TUT4: variants seen among roughly 807,000 people sequenced by gnomAD.
The protein encoded by TUT4 is terminal uridylyltransferase 4.
A neutral mutation model predicts 192.2 loss-of-function variants in TUT4; 36 were observed. The observed-to-expected ratio is 0.19, with a 90% CI of 0.14 to 0.25. The LOEUF (loss-of-function observed/expected upper bound fraction) is 0.25. Among genes scored for constraint, TUT4 ranks in the 10% least tolerant of loss-of-function variants. TUT4 has a pLI of 1.00. For missense variants in TUT4, 1,493 were observed against 1,957.2 expected (o/e 0.76, Z 4.47); for synonymous variants, 618 against 666.0 (o/e 0.93, Z 1.11).
chr1:52,538,539 C>A, intron 1 of TUT4: 1 of 151,038 alleles, frequency 6.6e-6, no homozygotes, highest in South Asian at 2.1e-4. Context: ...GTCCCAGTCT[C>A]AGGAGGCTGA....
At chr1:52,438,771 G>C (rs981780840) in intron 24 of TUT4, among the ~76,000 whole-genome samples, 9 of 152,124 alleles carry the variant, frequency 5.9e-5, no homozygotes, top group African/African-American at 2.2e-4. Flanking sequence ...ATTATTCTCT[G>C]TACAAAATTG....
Position 52,488,898 on chromosome 1 carries a change from C to G in TUT4, c.1515+11G>C, listed in dbSNP as rs771271113. 6.3e-7 allele frequency: 1 copy of G among 1,590,036 alleles called. No homozygotes were observed. Among genetic ancestry groups the G allele is most frequent in the South Asian group, 1.2e-5 (1 of 86,092 alleles). ...AAATATAAATAAGTAGTTTTCCTCT[C>G]TTTCACTTACCTTAGCCCAGTAGCG... On this transcript the variant is annotated intron_variant, in intron 9 of 29. Coordinates refer to ENST00000257177, the MANE Select transcript of TUT4 (RefSeq NM_001009881.3).
At chr1:52,500,261 G>A (rs1447733644) in intron 4 of TUT4, among the ~76,000 whole-genome samples, 1 of 152,166 alleles carries the variant, frequency 6.6e-6, no homozygotes, top group African/African-American at 2.4e-5. Flanking sequence ...ATATCTACAT[G>A]TAAAAGAATG....
intron 3 of TUT4, among the ~76,000 whole-genome samples, chr1:52,513,906 G>C (rs1677971820): frequency 6.6e-6 from 1 of 152,116 alleles, no homozygotes; most frequent in Admixed American, 6.6e-5. Context: ...CTAGCGCATA[G>C]GGCTGTTATG....
intron 11 of TUT4, among the ~76,000 whole-genome samples, chr1:52,478,841 A>G (rs1667757878): frequency 6.6e-6 from 1 of 152,192 alleles, no homozygotes; most frequent in African/African-American, 2.4e-5. Flanking sequence ...TTGAGTGCCT[A>G]CTTTGTGCAA....
chr1:52,509,658 T>C lies in TUT4; in HGVS notation c.937A>G (p.Ile313Val). ...TTATGAGCCCCCTGGATATTTTCAATGTGAATTAAGCAAAGTTTGCATAGA... is the reference window on the plus strand; with the variant it reads ...TTATGAGCCCCCTGGATATTTTCAACGTGAATTAAGCAAAGTTTGCATAGA... ...RYLCKLCLIH[I>V]ENIQGAHKHI... is the part of the protein sequence containing the mutation. Residue 313 changes from isoleucine to valine, a missense_variant, in exon 4 of 30, where the codon ATT becomes GTT. This residue lies in a region of TUT4 where 437 missense variants were observed against 577.6 expected (regional missense o/e 0.76). Coordinates refer to ENST00000257177, the MANE Select transcript of TUT4 (RefSeq NM_001009881.3). The C allele has an allele frequency of 1.2e-6, 2 of 1,612,492 alleles. No homozygotes were observed. The highest frequency in any genetic ancestry group is 1.1e-5 in the South Asian group (1 of 90,940).
chr1:52,514,633 G>A (rs1233465379), intron 3 of TUT4: 1 of 152,076 alleles, frequency 6.6e-6, no homozygotes, highest in Non-Finnish European at 1.5e-5. Context: ...GGATTGTCTT[G>A]TTCAATCTAG....
intron 7 of TUT4, among the ~76,000 whole-genome samples, chr1:52,491,732 T>G (rs1671210686): frequency 6.6e-6 from 1 of 151,914 alleles, no homozygotes. Context: ...ACCAGATAGA[T>G]TAACATCACT....
intron 28 of TUT4, among the ~76,000 whole-genome samples, chr1:52,426,791 C>G (rs1650100116): frequency 6.6e-6 from 1 of 152,080 alleles, no homozygotes; most frequent in East Asian, 1.9e-4. Context: ...AAGATATATT[C>G]CAATCCCCTT....
At chr1:52,500,035 T>C (rs1007827052) in intron 4 of TUT4, among the ~76,000 whole-genome samples, 21 of 151,304 alleles carry the variant, frequency 1.4e-4, no homozygotes, top group Admixed American at 5.3e-4. Context: ...GGCAGGAGAA[T>C]TGCTTGAACC....
intron 24 of TUT4, among the ~76,000 whole-genome samples, chr1:52,441,444 A>ATTTTTTTT (rs557710242): frequency 1.6e-4 from 19 of 119,960 alleles, no homozygotes; most frequent in South Asian, 2.6e-4. Flanking sequence ...TCTCGGCTAA[A>ATTTTTTTT]TTTTTTTTTT....
chr1:52,437,070 A>G (rs1654013354), intron 25 of TUT4, 92 bp from the exon 26 acceptor site: 1 of 1,485,654 alleles, frequency 6.7e-7, no homozygotes, highest in Non-Finnish European at 8.9e-7. Flanking sequence ...AAGGACTAAC[A>G]TGCCCATCAT....
chr1:52,553,211 G>C (rs1290572259), upstream of TUT4: 1 of 152,586 alleles, frequency 6.6e-6, no homozygotes, highest in African/African-American at 2.4e-5. Flanking sequence ...GAGAGGGGGA[G>C]GGGAGAGGAC....
intron 3 of TUT4, among the ~76,000 whole-genome samples, chr1:52,510,035 G>C (rs990753107): frequency 6.6e-6 from 1 of 152,134 alleles, no homozygotes; most frequent in African/African-American, 2.4e-5. Flanking sequence ...CAGTCGGGCT[G>C]AGTGTGGTGG....
Position 52,436,912 on chromosome 1 carries a change from T to C in TUT4, c.4005A>G (p.Lys1335=). Residue 1335 remains lysine, a synonymous_variant, in exon 26 of 30, where the codon AAA becomes AAG. Transcript: ENST00000257177. ...EEEKEGNEEE[K]DSRDVLDPRD... ...GGGGGTCAAGAACATCTCGGGAATC[T>C]TTCTCTTCTTCATTCCCTTCCTTCT... 6.2e-7 allele frequency: 1 copy of C among 1,613,040 alleles called. No homozygotes were observed. The highest frequency in any genetic ancestry group is 2.2e-5 in the East Asian group (1 of 44,858).
chr1:52,458,311 C>G lies in TUT4; in HGVS notation c.3435+25G>C, dbSNP rs1318453802. ...GATCTATTGTTTTCAAAAAAAACTC[C>G]TTTATAGTTTTCTTAAACACCTACC... On this transcript the variant is annotated intron_variant, in intron 20 of 29. Coordinates refer to ENST00000257177, the MANE Select transcript of TUT4 (RefSeq NM_001009881.3). 6 of 1,579,422 alleles carry G rather than the reference C, an allele frequency of 3.8e-6. No homozygotes were observed. The Admixed American group carries it at 8.7e-5, about 23-fold the overall frequency.
At chr1:52,484,980 T>C (rs967485799) in intron 9 of TUT4, among the ~76,000 whole-genome samples, 1 of 152,218 alleles carries the variant, frequency 6.6e-6, no homozygotes, top group African/African-American at 2.4e-5. Flanking sequence ...CTCTAGCAGA[T>C]ATTATTATTT....
intron 1 of TUT4, among the ~76,000 whole-genome samples, chr1:52,532,404 T>C (rs957001680): frequency 1.3e-5 from 2 of 151,886 alleles, no homozygotes; most frequent in African/African-American, 4.8e-5. Flanking sequence ...CATGGCTCAC[T>C]GCAGCCTTGA....
chr1:52,427,154 G>A (rs1425076306), intron 28 of TUT4, among the ~76,000 whole-genome samples: 1 of 152,076 alleles, frequency 6.6e-6, no homozygotes, highest in Non-Finnish European at 1.5e-5. Flanking sequence ...AGTCTAATGG[G>A]TTATGCAGAT....
Sources: allele counts gnomAD v4.1 joint callset (sites outside exome capture counted in the v4.1 genomes callset), GRCh38; gene constraint gnomAD v4.1.1; regional missense constraint gnomAD v4.1.1; transcripts MANE v1.5; gene names NCBI Gene and HGNC (gene_info 2026-07-23, HGNC 2026-07-21).